DLG2: variants seen among roughly 807,000 people sequenced by gnomAD.
The protein encoded by DLG2 is discs large MAGUK scaffold protein 2.
Under a neutral mutation model 132.5 loss-of-function variants are expected in DLG2, and 45 were observed. The ratio of observed to expected loss-of-function variants is 0.34; its 90% CI spans 0.27 to 0.44. DLG2 has a LOEUF of 0.44. Ranked by LOEUF, DLG2 falls within the 20% of genes least tolerant of loss-of-function variation. DLG2 has a pLI of 1.00. For missense variants in DLG2, 1,045 were observed against 1,196.9 expected (o/e 0.87, Z 1.87); for synonymous variants, 424 against 419.6 (o/e 1.01, Z -0.13).
intron 19 of DLG2, among the ~76,000 whole-genome samples, chr11:83,601,420 CTT>C (rs995419652): frequency 6.7e-6 from 1 of 149,866 alleles, no homozygotes; most frequent in Non-Finnish European, 1.5e-5. Context: ...CAACGATTCT[CTT>C]TTTGTTTGAA....
chr11:84,292,207 A>T (rs2098011187), intron 7 of DLG2, among the ~76,000 whole-genome samples: 1 of 152,200 alleles, frequency 6.6e-6, no homozygotes, highest in South Asian at 2.1e-4. Flanking sequence ...CAGAAAGACA[A>T]GAGAGGAAAT....
intron 5 of DLG2, among the ~76,000 whole-genome samples, chr11:85,131,294 A>T (rs1204007910): frequency 6.6e-6 from 1 of 152,132 alleles, no homozygotes; most frequent in African/African-American, 2.4e-5. Context: ...ATAACTTTTG[A>T]TAACTTATTT....
intron 8 of DLG2, among the ~76,000 whole-genome samples, chr11:84,208,061 C>T (rs2096698673): frequency 6.6e-6 from 1 of 152,166 alleles, no homozygotes; most frequent in Non-Finnish European, 1.5e-5. Context: ...CACCTCTAAC[C>T]TATAAGCTTC....
intron 6 of DLG2, among the ~76,000 whole-genome samples, chr11:84,932,489 T>C (rs762315133): frequency 6.6e-4 from 100 of 152,200 alleles, no homozygotes; most frequent in Non-Finnish European, 1.9e-4. Context: ...CCTATTGACC[T>C]GTCCTCTAAG....
At chr11:83,514,618 G>C (rs2095215278) in intron 21 of DLG2, among the ~76,000 whole-genome samples, 2 of 152,278 alleles carry the variant, frequency 1.3e-5, no homozygotes, top group Non-Finnish European at 2.9e-5. Context: ...AGTTTTCAAA[G>C]GGAATGCTTC....
At chr11:85,458,561 C>T (rs1016434881) in intron 3 of DLG2, among the ~76,000 whole-genome samples, 4 of 152,184 alleles carry the variant, frequency 2.6e-5, no homozygotes, top group Non-Finnish European at 5.9e-5. Flanking sequence ...GGCTTGTGTT[C>T]TGATAACTGA....
chr11:84,971,299 C>T lies in DLG2; in HGVS notation c.357+140362G>A, dbSNP rs2054064659. Among the ~76,000 whole-genome samples the T allele has an allele frequency of 2.0e-5, 3 of 151,954 alleles. No individual in the cohort carries two copies. The South Asian group carries it at 6.2e-4, about 31-fold the overall frequency. ...GCTTAGCAAACAGTATGCAATCAAGCTAGACATGTAACGTTTCTCATAAAG... is the reference window on the plus strand; with the variant it reads ...GCTTAGCAAACAGTATGCAATCAAGTTAGACATGTAACGTTTCTCATAAAG... On this transcript the variant is annotated intron_variant, in intron 6 of 27. Coordinates refer to ENST00000376104, the MANE Select transcript of DLG2 (RefSeq NM_001142699.3).
At chr11:83,604,758 T>C (rs1304956750) in intron 19 of DLG2, among the ~76,000 whole-genome samples, 2 of 152,130 alleles carry the variant, frequency 1.3e-5, no homozygotes, top group African/African-American at 2.4e-5. Context: ...GCAGGGTATA[T>C]GGAAATCTCT....
intron 6 of DLG2, chr11:85,020,932 C>T: frequency 1.3e-6 from 1 of 772,648 alleles, no homozygotes; most frequent in Non-Finnish European, 2.4e-6. Context: ...GCACCGCCCT[C>T]AGACTCCAAC....
intron 15 of DLG2, among the ~76,000 whole-genome samples, chr11:83,891,305 A>G (rs970343294): frequency 6.6e-6 from 1 of 152,146 alleles, no homozygotes; most frequent in African/African-American, 2.4e-5. Context: ...GAGGGTAAAG[A>G]AGAGAATAAG....
intron 19 of DLG2, among the ~76,000 whole-genome samples, chr11:83,547,301 T>A (rs1480442138): frequency 6.6e-6 from 1 of 152,138 alleles, no homozygotes; most frequent in African/African-American, 2.4e-5. Context: ...ATGTCCACAC[T>A]TTAATTCTCA....
At chr11:84,477,738 A>T (rs559045020) in intron 7 of DLG2, among the ~76,000 whole-genome samples, 1 of 152,288 alleles carries the variant, frequency 6.6e-6, no homozygotes, top group Admixed American at 6.5e-5. Flanking sequence ...ACTCATTTGT[A>T]ATCTTGGGAG....
At chr11:84,422,659 T>C (rs2098954598) in intron 7 of DLG2, among the ~76,000 whole-genome samples, 1 of 152,198 alleles carries the variant, frequency 6.6e-6, no homozygotes, top group Admixed American at 6.5e-5. Context: ...TGTTTTAGTT[T>C]AGACCCTCAA....
At chr11:83,794,941 T>G (rs1024229868) in intron 17 of DLG2, among the ~76,000 whole-genome samples, 6 of 152,106 alleles carry the variant, frequency 3.9e-5, no homozygotes, top group African/African-American at 1.4e-4. Context: ...GATGATTGGG[T>G]GTGTTTTGCC....
intron 7 of DLG2, among the ~76,000 whole-genome samples, chr11:84,514,302 A>C (rs1049506862): frequency 9.2e-5 from 14 of 152,198 alleles, no homozygotes; most frequent in African/African-American, 3.1e-4. Context: ...TAAAAACTAA[A>C]AATACAGCTA....
chr11:84,640,332 A>T, intron 6 of DLG2: 1 of 348,196 alleles, frequency 2.9e-6, no homozygotes, highest in Non-Finnish European at 5.6e-6. Context: ...TGACATCCGA[A>T]ATTTCTTGGA....
intron 6 of DLG2, among the ~76,000 whole-genome samples, chr11:84,909,382 T>A (rs1409204968): frequency 6.6e-6 from 1 of 152,226 alleles, no homozygotes; most frequent in Non-Finnish European, 1.5e-5. Context: ...ATTGTGTGTA[T>A]AGAAAGACTA....
chr11:85,263,909 G>C (rs2077071539), intron 4 of DLG2, among the ~76,000 whole-genome samples: 1 of 152,200 alleles, frequency 6.6e-6, no homozygotes, highest in Admixed American at 6.5e-5. Context: ...AAGTTTATTA[G>C]AGAGAAAGTA....
At chr11:84,065,769 T>C (rs930316655) in intron 10 of DLG2, among the ~76,000 whole-genome samples, 20 of 152,188 alleles carry the variant, frequency 1.3e-4, no homozygotes, top group Non-Finnish European at 1.5e-5. Flanking sequence ...TGCACACATA[T>C]GTTCAACACA....
Sources: allele counts gnomAD v4.1 joint callset (sites outside exome capture counted in the v4.1 genomes callset), GRCh38; gene constraint gnomAD v4.1.1; transcripts MANE v1.5; gene names NCBI Gene and HGNC (gene_info 2026-07-23, HGNC 2026-07-21).